CLEC2A: variants seen among roughly 807,000 people sequenced by gnomAD.
CLEC2A encodes keratinocyte-associated C-type lectin.
In CLEC2A, 19 loss-of-function variants were observed where a neutral mutation model predicts 18.6. The observed-to-expected ratio is 1.02, with a 90% confidence interval of 0.71 to 1.50. The LOEUF (loss-of-function observed/expected upper bound fraction) is 1.50, where lower values mean the gene tolerates loss of function less well. CLEC2A is among the 40% of genes most tolerant of loss of function. The pLI is 0.00. For missense variants in CLEC2A, 190 were observed against 207.9 expected, an observed-to-expected ratio of 0.91 and a Z score of 0.53; for synonymous variants, 74 against 64.0, an observed-to-expected ratio of 1.16 and a Z score of -0.75.
intron 1 of CLEC2A, among the ~76,000 whole-genome samples, chr12:9,927,065 A>C (rs1395411079): frequency 6.6e-6 from 1 of 152,060 alleles, no homozygotes; most frequent in East Asian, 1.9e-4. Flanking sequence ...ACAGTCATGC[A>C]TAGCTTAGCA....
intron 1 of CLEC2A, among the ~76,000 whole-genome samples, 186 bp downstream of exon 1, chr12:9,932,089 C>A (rs1863384469): frequency 6.6e-6 from 1 of 152,198 alleles, no homozygotes; most frequent in Non-Finnish European, 1.5e-5. Flanking sequence ...CAAGCTTATA[C>A]CCTCTCTTGC....
the CLEC2A span, chr12:9,884,951 C>T: frequency 1.6e-6 from 2 of 1,267,432 alleles, no homozygotes; most frequent in Non-Finnish European, 1.0e-6. Flanking sequence ...CCTATATCCA[C>T]AATATTATTG....
At chr12:9,893,049 C>T in the CLEC2A span, 18 of 1,535,516 alleles carry the variant, frequency 1.2e-5, no homozygotes, top group Admixed American at 2.0e-4. Context: ...AAATGACTGG[C>T]TGTTGAACGA....
intron 4 of CLEC2A, among the ~76,000 whole-genome samples, chr12:9,907,415 C>G (rs745402528): frequency 6.6e-6 from 1 of 152,152 alleles, no homozygotes; most frequent in Non-Finnish European, 1.5e-5. Context: ...CAATATCCAA[C>G]TAATCCTAAA....
intron 4 of CLEC2A, among the ~76,000 whole-genome samples, chr12:9,899,937 A>G (rs1361202113): frequency 6.6e-6 from 1 of 152,178 alleles, no homozygotes; most frequent in Non-Finnish European, 1.5e-5. Context: ...GTCTAGGACA[A>G]AAACATGTCT....
Position 9,916,718 on chromosome 12 carries a change from C to A in CLEC2A, c.392G>T (p.Gly131Val). 6.5e-7 allele frequency: 1 copy of A among 1,547,250 alleles called. No individual in the cohort carries two copies. The highest frequency in any genetic ancestry group is 8.7e-7 in the Non-Finnish European group (1 of 1,142,982). Residue 131 changes from glycine to valine, a missense_variant, in exon 4 of 5, where the codon GGC (glycine) becomes GTC (valine). Transcript: ENST00000455827. ...AACTCACCAACCATTGAATGTGGTG[C>A]CATTTGTCCATTTCCAAGAATCTCC... Reference protein sequence around the residue: ...KQGDSWKWTNGTTFNGWFEII... With the variant: ...KQGDSWKWTNVTTFNGWFEII...
intron 3 of CLEC2A, among the ~76,000 whole-genome samples, chr12:9,917,225 C>A (rs1316837823): frequency 1.3e-5 from 2 of 152,050 alleles, no homozygotes; most frequent in African/African-American, 4.8e-5. Flanking sequence ...GTTCTTTTAA[C>A]TTTTATTTTA....
At chr12:9,905,384 C>T (rs777008118) in intron 4 of CLEC2A, among the ~76,000 whole-genome samples, 1 of 152,156 alleles carries the variant, frequency 6.6e-6, no homozygotes, top group Non-Finnish European at 1.5e-5. Context: ...CCAAGGGTGG[C>T]GTCTGTGCTA....
intron 3 of CLEC2A, 126 bp from the exon 4 acceptor site, chr12:9,916,929 A>G (rs753662157): frequency 2.4e-5 from 15 of 630,936 alleles, no homozygotes; most frequent in Middle Eastern, 2.5e-4. Context: ...TGATGCTTCT[A>G]TAACAACAAA....
intron 4 of CLEC2A, among the ~76,000 whole-genome samples, chr12:9,907,222 A>G (rs1862918875): frequency 6.6e-6 from 1 of 152,186 alleles, no homozygotes; most frequent in South Asian, 2.1e-4. Context: ...CATGTTAACA[A>G]AAAGGTGGAA....
At chr12:9,894,206 G>C (rs955787877), downstream of CLEC2A, among the ~76,000 whole-genome samples, 17 of 137,436 alleles carry the variant, frequency 1.2e-4, no homozygotes, top group African/African-American at 4.4e-4. Context: ...TTTTTCAGCA[G>C]AGCCTTGCTC....
chr12:9,926,783 T>C (rs1863280084), intron 1 of CLEC2A, among the ~76,000 whole-genome samples: 1 of 152,166 alleles, frequency 6.6e-6, no homozygotes, highest in South Asian at 2.1e-4. Flanking sequence ...AAATGAGAGA[T>C]ATATTTTTCT....
chr12:9,878,617 T>C, the CLEC2A span, among the ~76,000 whole-genome samples: 1 of 152,174 alleles, frequency 6.6e-6, no homozygotes, highest in Non-Finnish European at 1.5e-5. Context: ...ATTTCAGCAT[T>C]CAATCCCACC....
At chr12:9,893,185 A>G in the CLEC2A span, 95 of 1,524,972 alleles carry the variant, frequency 6.2e-5, no homozygotes, top group African/African-American at 7.7e-4. Flanking sequence ...AATCAAAAAC[A>G]GGATCTAACT....
At chr12:9,915,185 T>A (rs1210812074) in intron 4 of CLEC2A, among the ~76,000 whole-genome samples, 1 of 152,012 alleles carries the variant, frequency 6.6e-6, no homozygotes, top group Non-Finnish European at 1.5e-5. Flanking sequence ...TGGCAATTAT[T>A]AAAAAGTCAA....
intron 4 of CLEC2A, among the ~76,000 whole-genome samples, chr12:9,905,519 T>C (rs1862894633): frequency 6.6e-6 from 1 of 152,194 alleles, no homozygotes; most frequent in Non-Finnish European, 1.5e-5. Context: ...GCAACCCATA[T>C]AGTATTTCAT....
chr12:9,912,118 G>A (rs532757039), downstream of CLEC2A, among the ~76,000 whole-genome samples: 6 of 152,332 alleles, frequency 3.9e-5, no homozygotes, highest in East Asian at 3.9e-4. Context: ...TGCTGATGGG[G>A]TAGAAGAAGG....
chr12:9,892,884 T>C, the CLEC2A span: 4 of 698,458 alleles, frequency 5.7e-6, no homozygotes, highest in South Asian at 8.1e-5. Context: ...GCGCCTGGTC[T>C]GAACTCCTTT....
At chr12:9,890,938 CT>C in the CLEC2A span, among the ~76,000 whole-genome samples, 5 of 151,980 alleles carry the variant, frequency 3.3e-5, no homozygotes, top group East Asian at 5.8e-4. Flanking sequence ...ATTAAAATGT[CT>C]TTTTTTCTTT....
Sources: allele counts gnomAD v4.1 joint callset (sites outside exome capture counted in the v4.1 genomes callset), GRCh38; gene constraint gnomAD v4.1.1; transcripts MANE v1.5; gene names NCBI Gene and HGNC (gene_info 2026-07-23, HGNC 2026-07-21).